The following STT3B variants were observed in gnomAD, a reference collection of about 807,000 sequenced individuals.
STT3B encodes dolichyl-diphosphooligosaccharide--protein glycosyltransferase subunit STT3B.
In STT3B, 29 loss-of-function variants were observed where a neutral mutation model predicts 96.8. The observed-to-expected ratio is 0.30, with a 90% confidence interval of 0.22 to 0.41. The LOEUF is 0.41. Among genes scored for constraint, STT3B ranks in the 10% least tolerant of loss-of-function variants. The pLI is 1.00. For synonymous variants in STT3B, 367 were observed against 360.0 expected, an observed-to-expected ratio of 1.02 and a Z score of -0.22; for missense variants, 640 against 1,022.3, an observed-to-expected ratio of 0.63 and a Z score of 5.10.
chr3:31,563,536 G>A (rs1255728138), intron 1 of STT3B, among the ~76,000 whole-genome samples: 1 of 152,180 alleles, frequency 6.6e-6, no homozygotes, highest in Admixed American at 6.5e-5. Flanking sequence ...TGTGTTTGTA[G>A]ACCATGGCTA....
intron 4 of STT3B, among the ~76,000 whole-genome samples, chr3:31,598,585 G>C (rs951744057): frequency 1.3e-5 from 2 of 152,182 alleles, no homozygotes; most frequent in African/African-American, 2.4e-5. Flanking sequence ...GGTCCGAGAA[G>C]AAATAAATCC....
At chr3:31,556,172 G>A (rs867097483) in intron 1 of STT3B, among the ~76,000 whole-genome samples, 2 of 151,544 alleles carry the variant, frequency 1.3e-5, no homozygotes, top group African/African-American at 2.4e-5. Flanking sequence ...TTCAGTGTCT[G>A]GCTTATTTTA....
At chr3:31,556,596 G>A (rs542769361) in intron 1 of STT3B, among the ~76,000 whole-genome samples, 7 of 152,162 alleles carry the variant, frequency 4.6e-5, no homozygotes, top group Non-Finnish European at 1.0e-4. Context: ...ATTCTAACTT[G>A]GGTAAGATGA....
chr3:31,574,669 ATTAC>A (rs947375520), intron 1 of STT3B, among the ~76,000 whole-genome samples: 13 of 152,146 alleles, frequency 8.5e-5, no homozygotes, highest in African/African-American at 3.1e-4. Flanking sequence ...ACACAAAGTT[ATTAC>A]TTAAAATTCT....
intron 1 of STT3B, among the ~76,000 whole-genome samples, chr3:31,546,334 C>T (rs1306823255): frequency 2.6e-5 from 4 of 152,092 alleles, no homozygotes; most frequent in Admixed American, 2.6e-4. Flanking sequence ...TCAGCTGGGA[C>T]TAGAATGTTT....
intron 1 of STT3B, among the ~76,000 whole-genome samples, chr3:31,559,146 G>GGGGGGTGT (rs949401027): frequency 1.4e-4 from 16 of 116,532 alleles, no homozygotes; most frequent in Non-Finnish European, 1.8e-4. Context: ...TGATTCTTGG[G>GGGGGGTGT]GTGTGTGTGT....
intron 1 of STT3B, among the ~76,000 whole-genome samples, chr3:31,561,508 T>G (rs1458702611): frequency 6.6e-6 from 1 of 152,180 alleles, no homozygotes. Context: ...CAAATAGGTC[T>G]TATTCATTCG....
chr3:31,631,411 A>G (rs1177577976), intron 14 of STT3B, among the ~76,000 whole-genome samples: 1 of 152,134 alleles, frequency 6.6e-6, no homozygotes, highest in Non-Finnish European at 1.5e-5. Flanking sequence ...ATATTTTCTG[A>G]TTGGCTTGTT....
chr3:31,564,936 T>C (rs1684598851), intron 1 of STT3B, among the ~76,000 whole-genome samples: 2 of 152,216 alleles, frequency 1.3e-5, no homozygotes, highest in Admixed American at 1.3e-4. Flanking sequence ...CAAATCAAAA[T>C]ACCAATATAT....
At position 31,636,120 on chromosome 3, in the gene STT3B, G is replaced by T; in HGVS notation, c.*56G>T. ...GTTGTCCTTGTGAGAACCGGTCTTT[G>T]CCTTTAGCTCATGTCGTGTTTCACA... On this transcript the variant is annotated 3_prime_UTR_variant, in exon 16 of 16. Transcript: ENST00000295770. 1.5e-6 allele frequency: 2 copies of T among 1,343,278 alleles called. No individual in the cohort carries two copies. The highest frequency in any genetic ancestry group is 2.1e-6 in the Non-Finnish European group (2 of 971,548). The allele number at this position is 1,343,278 out of a possible 1,614,324, so 83.2% of individuals were successfully genotyped here. A position where few individuals can be genotyped will look rare whatever the true frequency, so the allele number is the denominator to read the frequency against.
At chr3:31,632,788 C>A in intron 14 of STT3B, 147 bp from the exon 15 acceptor site, 4 of 645,156 alleles carry the variant, frequency 6.2e-6, no homozygotes, top group South Asian at 2.2e-5. Context: ...GTTAGCAATA[C>A]ATGAGAACTA....
rs139272499 is a variant in STT3B, at chr3:31,601,335, T to C, written c.877+876T>C. 1.2e-3 allele frequency among the ~76,000 whole-genome samples: 190 copies of C among 152,318 alleles called. 1 individual carries two copies. Among genetic ancestry groups the C allele is most frequent in the African/African-American group, 4.3e-3 (178 of 41,564 alleles). On this transcript the variant is annotated intron_variant, in intron 5 of 15. Transcript: ENST00000295770. ...ATCAGCTTTATGAAACCATAAAATA[T>C]GGTATATTCATACAATGGTGTATTA...
At chr3:31,609,733 T>G (rs1699140298) in intron 5 of STT3B, among the ~76,000 whole-genome samples, 2 of 152,182 alleles carry the variant, frequency 1.3e-5, no homozygotes, top group Admixed American at 1.3e-4. Context: ...TGGCTGGGAC[T>G]ACAGGCATGT....
intron 9 of STT3B, among the ~76,000 whole-genome samples, chr3:31,620,971 C>T (rs1699415157): frequency 6.6e-6 from 1 of 152,166 alleles, no homozygotes. Flanking sequence ...TAACTTAAAC[C>T]TCATGACTCA....
intron 1 of STT3B, among the ~76,000 whole-genome samples, chr3:31,561,626 T>A (rs1294339772): frequency 2.6e-5 from 4 of 152,054 alleles, no homozygotes; most frequent in Admixed American, 6.5e-5. Context: ...CCTGTGTCCA[T>A]GAGTTTGTTG....
intron 5 of STT3B, among the ~76,000 whole-genome samples, chr3:31,610,104 G>GT (rs1203064908): frequency 3.3e-5 from 5 of 151,846 alleles, no homozygotes; most frequent in South Asian, 2.1e-4. Flanking sequence ...AGTGTTTTGT[G>GT]TTTTTTTGTT....
At chr3:31,606,500 A>G (rs1306703341) in intron 5 of STT3B, among the ~76,000 whole-genome samples, 2 of 111,420 alleles carry the variant, frequency 1.8e-5, no homozygotes, top group East Asian at 2.2e-4. Context: ...TACAGTTCAG[A>G]CAATGGCTTC....
intron 10 of STT3B, among the ~76,000 whole-genome samples, chr3:31,622,551 A>G (rs1699451979): frequency 6.6e-6 from 1 of 152,178 alleles, no homozygotes; most frequent in South Asian, 2.1e-4. Flanking sequence ...TTATCTAAAT[A>G]CTTAAGATAT....
At position 31,556,365 on chromosome 3, in the gene STT3B, G is replaced by A. The variant is rs548768373; in HGVS notation, c.315-20031G>A. On this transcript the variant is annotated intron_variant, in intron 1 of 15. Coordinates refer to ENST00000295770, the MANE Select transcript of STT3B (RefSeq NM_178862.3). The stretch of plus-strand genomic sequence containing the variant: ...GTGAATAGTGCTGTAGTAAACGTGT[G>A]AACGCACGTGTCCCTTTGATGTACT... Among the ~76,000 whole-genome samples the A allele has an allele frequency of 1.3e-4, 20 of 152,286 alleles. No homozygotes were observed. The East Asian group carries it at 3.7e-3, about 28-fold the overall frequency.
Sources: allele counts gnomAD v4.1 joint callset (sites outside exome capture counted in the v4.1 genomes callset), GRCh38; gene constraint gnomAD v4.1.1; transcripts MANE v1.5; gene names NCBI Gene and HGNC (gene_info 2026-07-23, HGNC 2026-07-21).